Variants in SKAP1 observed in about 807,000 individuals in gnomAD.
The protein encoded by SKAP1 is src kinase-associated phosphoprotein 1.
A neutral mutation model predicts 58.5 loss-of-function variants in SKAP1; 44 were observed. The ratio of observed to expected loss-of-function variants is 0.75; its 90% CI spans 0.59 to 0.97. The LOEUF is 0.97. Ranked by LOEUF, SKAP1 falls within the 50% of genes least tolerant of loss-of-function variation. SKAP1 has a pLI of 0.00. For synonymous variants in SKAP1, 127 were observed against 149.7 expected, an observed-to-expected ratio of 0.85 and a Z score of 1.11; for missense variants, 390 against 435.2, an observed-to-expected ratio of 0.90 and a Z score of 0.92.
At chr17:48,387,318 G>C (rs1000277822) in intron 2 of SKAP1, among the ~76,000 whole-genome samples, 5 of 152,010 alleles carry the variant, frequency 3.3e-5, no homozygotes, top group African/African-American at 1.2e-4. Flanking sequence ...GCTCTGTGTT[G>C]GTTCATGAAC....
At chr17:48,136,373 A>C (rs1452439812) in intron 12 of SKAP1, 1 of 152,062 alleles carries the variant, frequency 6.6e-6, no homozygotes, top group African/African-American at 2.4e-5. Context: ...GGATTTCACC[A>C]TGTTGGCCAG....
chr17:48,245,660 T>C (rs538352364), intron 4 of SKAP1, among the ~76,000 whole-genome samples: 1 of 152,304 alleles, frequency 6.6e-6, no homozygotes, highest in South Asian at 2.1e-4. Flanking sequence ...CTCTCTGTGC[T>C]TCAATGTCCT....
In SKAP1 at chr17:48,346,011, G is replaced by A. The variant is rs1467016824; in HGVS notation, c.179-5C>T. On this transcript the variant is annotated splice_polypyrimidine_tract_variant and splice_region_variant and intron_variant, in intron 3 of 12. Coordinates refer to ENST00000336915, the MANE Select transcript of SKAP1 (RefSeq NM_003726.4). ...TGTCCTGTCCAATGTCTCCCCCTGA[G>A]GGACAAAAAAGACAGAAAATAAGGT... The A allele has an allele frequency of 5.7e-6, 9 of 1,570,722 alleles. No individual in the cohort carries two copies. The East Asian group carries it at 2.1e-4, about 36-fold the overall frequency.
chr17:48,328,759 GGCTCTCCTGCCTACTCACCTACCTT>G (rs1322278460), intron 4 of SKAP1, among the ~76,000 whole-genome samples: 1 of 151,966 alleles, frequency 6.6e-6, no homozygotes, highest in Non-Finnish European at 1.5e-5. Context: ...TTTATTTGAG[GGCTCTCCTGCCTACTCACCTACCTT>G]GCCCCTCTGA....
intron 4 of SKAP1, among the ~76,000 whole-genome samples, chr17:48,265,234 G>A (rs111750009): frequency 0.2 from 29,868 of 152,036 alleles, 3,705 homozygotes; most frequent in South Asian, 0.38. Context: ...GGCTGGGTGC[G>A]GTGGCTCACA....
At chr17:48,178,690 T>C (rs1408619303) in intron 9 of SKAP1, among the ~76,000 whole-genome samples, 1 of 152,240 alleles carries the variant, frequency 6.6e-6, no homozygotes. Context: ...TTATCACCTG[T>C]GAAATTTTAT....
chr17:48,174,503 GT>G (rs1419692729), intron 9 of SKAP1, among the ~76,000 whole-genome samples: 2 of 152,190 alleles, frequency 1.3e-5, no homozygotes, highest in African/African-American at 4.8e-5. Flanking sequence ...CTGAACAGGT[GT>G]CTTTGCAACC....
At chr17:48,358,994 T>TA (rs2066906927) in intron 3 of SKAP1, among the ~76,000 whole-genome samples, 1 of 152,120 alleles carries the variant, frequency 6.6e-6, no homozygotes, top group African/African-American at 2.4e-5. Flanking sequence ...AACAACAATT[T>TA]AAAAAATCAG....
chr17:48,281,170 C>T (rs2065761591), intron 4 of SKAP1, among the ~76,000 whole-genome samples: 1 of 152,132 alleles, frequency 6.6e-6, no homozygotes, highest in South Asian at 2.1e-4. Flanking sequence ...GGATTACAGG[C>T]ACATGCCACC....
chr17:48,166,142 T>C lies in SKAP1; in HGVS notation c.878-3573A>G, dbSNP rs181116286. 8.5e-5 allele frequency among the ~76,000 whole-genome samples: 13 copies of C among 152,274 alleles called. No homozygotes were observed. In the East Asian group the frequency reaches 2.5e-3, roughly 29 times the overall value. On this transcript the variant is annotated intron_variant, in intron 10 of 12. Coordinates refer to ENST00000336915, the MANE Select transcript of SKAP1 (RefSeq NM_003726.4). ...ATGATAGAGAAGCTAATGGGTATGA[T>C]CACTGCATTTAAATTGCTAGCAGAG...
intron 10 of SKAP1, among the ~76,000 whole-genome samples, chr17:48,165,379 TTTTCTTTCTTTC>T (rs143644816): frequency 1.4e-3 from 180 of 128,326 alleles, no homozygotes; most frequent in African/African-American, 4.7e-3. Context: ...CTTTCTTTTC[TTTTCTTTCTTTC>T]TTTCTTTCTT....
chr17:48,362,174 C>T (rs891241873), intron 3 of SKAP1, among the ~76,000 whole-genome samples: 6 of 152,194 alleles, frequency 3.9e-5, no homozygotes, highest in African/African-American at 1.4e-4. Context: ...TACCTCTGTC[C>T]TCTCTCCAAG....
chr17:48,199,128 TAAAAA>T (rs895227244), intron 4 of SKAP1, among the ~76,000 whole-genome samples: 33 of 152,248 alleles, frequency 2.2e-4, no homozygotes, highest in East Asian at 1.3e-3. Context: ...GAAAAGGAAA[TAAAAA>T]GAAAAGAGCC....
intron 4 of SKAP1, among the ~76,000 whole-genome samples, chr17:48,194,526 A>T (rs547398134): frequency 6.6e-6 from 1 of 152,160 alleles, no homozygotes; most frequent in Non-Finnish European, 1.5e-5. Context: ...AGAATTGGAG[A>T]AATCAGTTGG....
intron 11 of SKAP1, among the ~76,000 whole-genome samples, chr17:48,140,809 C>G (rs1788916873): frequency 6.9e-6 from 1 of 144,770 alleles, no homozygotes. Flanking sequence ...TGGAGTCTTG[C>G]TCTCTGTTAC....
chr17:48,165,357 G>A (rs2064123460), intron 10 of SKAP1, among the ~76,000 whole-genome samples: 1 of 151,042 alleles, frequency 6.6e-6, no homozygotes, highest in Non-Finnish European at 1.5e-5. Flanking sequence ...GAGAATGCAT[G>A]AGGAGACTTT....
chr17:48,385,826 G>C (rs577723898), intron 2 of SKAP1, among the ~76,000 whole-genome samples: 2 of 152,278 alleles, frequency 1.3e-5, no homozygotes, highest in South Asian at 4.1e-4. Context: ...AGATTCTAGG[G>C]AACACAGGGG....
chr17:48,171,687 TGCAA>T (rs1423841612), intron 9 of SKAP1, among the ~76,000 whole-genome samples: 1 of 152,066 alleles, frequency 6.6e-6, no homozygotes, highest in African/African-American at 2.4e-5. Context: ...ATTATCTCTA[TGCAA>T]GCATTCTCTC....
chr17:48,355,878 T>C (rs1362779308), intron 3 of SKAP1, among the ~76,000 whole-genome samples: 1 of 151,536 alleles, frequency 6.6e-6, no homozygotes, highest in African/African-American at 2.4e-5. Flanking sequence ...CACACCTATA[T>C]ATACCAACGT....
Sources: allele counts gnomAD v4.1 joint callset (sites outside exome capture counted in the v4.1 genomes callset), GRCh38; gene constraint gnomAD v4.1.1; transcripts MANE v1.5; gene names NCBI Gene and HGNC (gene_info 2026-07-23, HGNC 2026-07-21).